The following PI4KA variants were observed in gnomAD, a reference collection of about 807,000 sequenced individuals.
The protein encoded by PI4KA is PI4-kinase alpha.
PI4KA carries 122 observed loss-of-function variants against 271.4 expected under a neutral mutation model. The observed-to-expected ratio is 0.45, with a 90% confidence interval of 0.39 to 0.52. The LOEUF (loss-of-function observed/expected upper bound fraction) is 0.52. PI4KA is among the 20% of genes least tolerant of loss of function. PI4KA has a pLI of 0.00. For synonymous variants in PI4KA, 1,041 were observed against 1,078.8 expected (o/e 0.96, Z 0.69); for missense variants, 1,969 against 2,769.1 (o/e 0.71, Z 6.48).
intron 40 of PI4KA, 145 bp from the exon 41 acceptor site, chr22:20,727,542 T>C (rs966138753): frequency 2.3e-5 from 19 of 813,738 alleles, no homozygotes; most frequent in Non-Finnish European, 3.2e-5. Context: ...TGATGTGTTA[T>C]GGAAAACAAC....
intron 6 of PI4KA, among the ~76,000 whole-genome samples, chr22:20,818,830 T>C (rs1922190310): frequency 6.6e-6 from 1 of 152,214 alleles, no homozygotes; most frequent in South Asian, 2.1e-4. Flanking sequence ...ATTATATACT[T>C]CTTAAGGGCA....
At chr22:20,740,061 CAAAA>C (rs59323542) in intron 32 of PI4KA, among the ~76,000 whole-genome samples, 4,874 of 73,070 alleles carry the variant, frequency 0.067, 45 homozygotes, top group African/African-American at 0.11. Flanking sequence ...GACCCCATCT[CAAAA>C]AAAAAAAAAA....
chr22:20,769,540 A>G (rs575310056), intron 19 of PI4KA, among the ~76,000 whole-genome samples: 6 of 152,000 alleles, frequency 3.9e-5, no homozygotes, highest in East Asian at 3.9e-4. Context: ...GTGGTGGCAC[A>G]CACCTGTAGT....
At chr22:20,751,454 C>G in intron 26 of PI4KA, 78 bp from the exon 27 acceptor site, 1 of 1,247,994 alleles carries the variant, frequency 8.0e-7, no homozygotes, top group Non-Finnish European at 1.2e-6. Flanking sequence ...CCACCCCTAC[C>G]CACCACCTGT....
intron 19 of PI4KA, chr22:20,785,866 G>C: frequency 8.0e-7 from 1 of 1,246,630 alleles, no homozygotes; most frequent in South Asian, 1.2e-5. Context: ...TCAACTGACA[G>C]TCCCGGAATA....
intron 3 of PI4KA, among the ~76,000 whole-genome samples, chr22:20,825,339 AG>A (rs1269029429): frequency 6.6e-6 from 1 of 152,156 alleles, no homozygotes; most frequent in Non-Finnish European, 1.5e-5. Flanking sequence ...TCATGCCTAT[AG>A]TCCTAGCACT....
Position 20,716,104 on chromosome 22 carries a change from G to A in PI4KA, c.5318-1404C>T, listed in dbSNP as rs138073485. ...CTTGCACTGTCATCCAGGCTGGAGC[G>A]CAGTGGCGCAATCTTGGCTTACTGC... is the stretch of plus-strand genomic sequence containing the variant. On this transcript the variant is annotated intron_variant, in intron 45 of 54. Transcript: ENST00000255882. Among the ~76,000 whole-genome samples, 979 of 152,006 alleles carry A rather than the reference G, an allele frequency of 6.4e-3. 17 individuals are homozygous for A. Among genetic ancestry groups the A allele is most frequent in the African/African-American group, 0.023 (940 of 41,468 alleles).
intron 37 of PI4KA, 46 bp downstream of exon 37, chr22:20,729,846 A>G (rs1345053289): frequency 6.2e-7 from 1 of 1,612,252 alleles, no homozygotes; most frequent in East Asian, 2.2e-5. Context: ...TGCAACTAGA[A>G]TGATAGCTTG....
intron 36 of PI4KA, among the ~76,000 whole-genome samples, chr22:20,732,555 G>A (rs537499123): frequency 8.5e-5 from 13 of 152,272 alleles, no homozygotes; most frequent in African/African-American, 2.2e-4. Flanking sequence ...GCCTGTCCCC[G>A]AGGAGTGCTC....
At chr22:20,812,648 G>T (rs1921217563) in intron 8 of PI4KA, among the ~76,000 whole-genome samples, 1 of 152,148 alleles carries the variant, frequency 6.6e-6, no homozygotes, top group South Asian at 2.1e-4. Flanking sequence ...CCACCTCCAA[G>T]GTTCAAGCGA....
chr22:20,761,374 T>C lies in PI4KA; in HGVS notation c.2721A>G (p.Ser907=). The C allele has an allele frequency of 6.2e-7, 1 of 1,609,940 alleles. No individual in the cohort carries two copies. The highest frequency in any genetic ancestry group is 8.5e-7 in the Non-Finnish European group (1 of 1,176,186). The change falls in exon 23 of 55, where the codon TCA becomes TCG. Residue 907 remains serine, a synonymous_variant. Coordinates refer to ENST00000255882, the MANE Select transcript of PI4KA (RefSeq NM_058004.4). ...YRLEYMRVLR[S]TDPDRFQVMF... The stretch of plus-strand genomic sequence containing the variant: ...TTACCTGGAAGCGATCAGGATCTGT[T>C]GAACGCAGTACCCTAAGAAGAAAAC...
chr22:20,800,003 T>C (rs896521721), intron 14 of PI4KA, among the ~76,000 whole-genome samples: 6 of 152,196 alleles, frequency 3.9e-5, no homozygotes, highest in African/African-American at 7.2e-5. Context: ...ACAGTTTCCT[T>C]TGGAATATCA....
intron 1 of PI4KA, among the ~76,000 whole-genome samples, chr22:20,857,928 T>G (rs1053703666): frequency 6.6e-6 from 1 of 152,208 alleles, no homozygotes; most frequent in African/African-American, 2.4e-5. Context: ...CCAAGTTCAC[T>G]TCTCTGCCCA....
chr22:20,774,974 A>G (rs970556001), intron 19 of PI4KA, among the ~76,000 whole-genome samples: 3 of 152,168 alleles, frequency 2.0e-5, no homozygotes, highest in East Asian at 3.8e-4. Context: ...GTTCTACTAC[A>G]CTATTCTTTC....
Position 20,759,453 on chromosome 22 carries a change from G to T in PI4KA, c.2791+1851C>A, listed in dbSNP as rs368202941. On this transcript the variant is annotated intron_variant, in intron 23 of 54. Coordinates refer to ENST00000255882, the MANE Select transcript of PI4KA (RefSeq NM_058004.4). ...CAGAGTCTCTCTGTCACCCAGGATG[G>T]AGTGCTGAGGCACGATCTCGGCTCA... Among the ~76,000 whole-genome samples the T allele has an allele frequency of 1.1e-4, 16 of 142,280 alleles. No homozygotes were observed. In the South Asian group the frequency reaches 3.1e-3, roughly 28 times the overall value. 93.3% of individuals were successfully genotyped at this position (142,280 alleles called of 152,430 possible).
At chr22:20,836,690 G>C (rs1924906398) in intron 2 of PI4KA, among the ~76,000 whole-genome samples, 1 of 152,120 alleles carries the variant, frequency 6.6e-6, no homozygotes, top group Non-Finnish European at 1.5e-5. Context: ...GTGGTCCCTA[G>C]GGCTTTCTCA....
At chr22:20,804,746 C>T (rs1045078185) in intron 11 of PI4KA, among the ~76,000 whole-genome samples, 1 of 152,250 alleles carries the variant, frequency 6.6e-6, no homozygotes, top group African/African-American at 2.4e-5. Context: ...AGGCCACGGG[C>T]ATCCCCATCC....
intron 23 of PI4KA, among the ~76,000 whole-genome samples, chr22:20,756,927 C>T (rs892859184): frequency 9.9e-5 from 15 of 152,194 alleles, no homozygotes; most frequent in African/African-American, 3.6e-4. Flanking sequence ...CCACACCCGG[C>T]CCTAAGGTAA....
rs774774580 is a variant in PI4KA at position 20,779,754 on chromosome 22, T to G, written c.2328+13439A>C. 9 of 1,614,174 alleles carry G rather than the reference T, an allele frequency of 5.6e-6. No homozygotes were observed. The East Asian group carries it at 1.8e-4, about 32-fold the overall frequency. Reference sequence around the variant, plus strand: ...AGTGCTGAAAGACCAGGTCAACACTTTCGATAACATCTTCATAGCACCCGT... The same window carrying G: ...AGTGCTGAAAGACCAGGTCAACACTGTCGATAACATCTTCATAGCACCCGT... On this transcript the variant is annotated intron_variant, in intron 19 of 54. Coordinates refer to ENST00000255882, the MANE Select transcript of PI4KA (RefSeq NM_058004.4).
Sources: gnomAD v4.1 joint callset for allele counts (sites outside exome capture counted in the v4.1 genomes callset) on GRCh38, gnomAD v4.1.1 for gene constraint, MANE v1.5 for transcripts, NCBI Gene and HGNC (gene_info 2026-07-23, HGNC 2026-07-21) for gene names.